Variants in IGF2BP1 observed in about 807,000 individuals in gnomAD.
The protein encoded by IGF2BP1 is insulin-like growth factor 2 mRNA-binding protein 1.
Under a neutral mutation model 74.9 loss-of-function variants are expected in IGF2BP1, and 11 were observed. The observed-to-expected ratio is 0.15, with a 90% CI of 0.09 to 0.24. IGF2BP1 has a LOEUF of 0.24. Ranked by LOEUF, IGF2BP1 falls within the 10% of genes least tolerant of loss-of-function variation. The pLI, the probability that IGF2BP1 is intolerant of heterozygous loss-of-function variation, is 1.00. For missense variants in IGF2BP1, 440 were observed against 757.4 expected (o/e 0.58, Z 4.92); for synonymous variants, 287 against 281.8 (o/e 1.02, Z -0.18).
In IGF2BP1 at chr17:48,997,878, C is replaced by T. The variant is rs758957391; in HGVS notation, c.133C>T (p.Pro45Ser). The change falls in exon 1 of 15, where the codon CCG becomes TCG. Residue 45 changes from proline to serine, a missense_variant. Physicochemically the swap from Pro to Ser is moderately conservative, Grantham distance 74. Transcript: ENST00000290341. The surrounding 1 kb of genome is among the most constrained non-coding windows in gnomAD (Gnocchi z 4.8). ...VKSGYAFVDC[P>S]DEHWAMKAIE... is the part of the protein sequence containing the mutation. ...ATCCGGCTACGCCTTCGTGGACTGCCCGGACGAGCACTGGGCGATGAAGGC... is the reference window on the plus strand; with the variant it reads ...ATCCGGCTACGCCTTCGTGGACTGCTCGGACGAGCACTGGGCGATGAAGGC... 1.9e-6 allele frequency: 3 copies of T among 1,614,040 alleles called. No individual in the cohort carries two copies. The highest frequency in any genetic ancestry group is 1.3e-5 in the African/African-American group (1 of 74,948).
Position 49,041,393 on chromosome 17 carries a change from C to G in IGF2BP1, c.834C>G (p.Pro278=). 3 of 1,613,962 alleles carry G rather than the reference C, an allele frequency of 1.9e-6. No individual in the cohort carries two copies. Among genetic ancestry groups the G allele is most frequent in the African/African-American group, 1.3e-5 (1 of 74,986 alleles). ...TCTTCCCAAGGGCTGACGAGGTTCCCCTGAAGATCCTGGCCCATAATAACT... is the reference window on the plus strand; with the variant it reads ...TCTTCCCAAGGGCTGACGAGGTTCCGCTGAAGATCCTGGCCCATAATAACT... ...AKDTKTADEV[P]LKILAHNNFV... is the part of the protein sequence containing the mutation. The change falls in exon 8 of 15, where the codon CCC becomes CCG. Residue 278 remains proline, a synonymous_variant. Transcript: ENST00000290341.
At chr17:49,014,905 C>A in intron 2 of IGF2BP1, 1 of 985,328 alleles carries the variant, frequency 1.0e-6, no homozygotes, top group Non-Finnish European at 1.2e-6. Context: ...CTGAGAGGGC[C>A]ACCTCGGCTG....
chr17:49,030,734 C>A (rs983883883), intron 4 of IGF2BP1, among the ~76,000 whole-genome samples: 2 of 151,914 alleles, frequency 1.3e-5, no homozygotes, highest in Non-Finnish European at 2.9e-5. Flanking sequence ...TCAAGCGATT[C>A]TCCTGCCTCA....
intron 2 of IGF2BP1, among the ~76,000 whole-genome samples, chr17:49,005,217 A>C (rs756641545): frequency 1.3e-5 from 2 of 152,234 alleles, no homozygotes; most frequent in South Asian, 2.1e-4. Context: ...ATTACAGGTA[A>C]GTCACAGAAA....
chr17:49,032,471 G>A (rs1016390294), intron 5 of IGF2BP1, among the ~76,000 whole-genome samples: 1 of 152,214 alleles, frequency 6.6e-6, no homozygotes, highest in African/African-American at 2.4e-5. Context: ...TAGTCCCATC[G>A]CACCCACAAT....
chr17:49,039,658 C>T (rs1303010748), intron 6 of IGF2BP1, among the ~76,000 whole-genome samples: 1 of 151,976 alleles, frequency 6.6e-6, no homozygotes, highest in Non-Finnish European at 1.5e-5. Context: ...AACTCCTGGC[C>T]TCAAGTAACC....
In IGF2BP1 at chr17:49,049,390, T is replaced by C; in HGVS notation, c.1680T>C (p.Val560=). 6.2e-7 allele frequency: 1 copy of C among 1,614,184 alleles called. No homozygotes were observed. The highest frequency in any genetic ancestry group is 1.1e-5 in the South Asian group (1 of 91,074). Reference sequence around the variant, plus strand: ...AGATCCGAGACATCCTGGCCCAGGTTAAGCAGCAGCATCAGAAGGGACAGA... The same window carrying C: ...AGATCCGAGACATCCTGGCCCAGGTCAAGCAGCAGCATCAGAAGGGACAGA... ...QRKIRDILAQ[V]KQQHQKGQSN... is the part of the protein sequence containing the mutation. Residue 560 remains valine, a synonymous_variant, in exon 15 of 15, where the codon GTT becomes GTC. Coordinates refer to ENST00000290341, the MANE Select transcript of IGF2BP1 (RefSeq NM_006546.4).
intron 2 of IGF2BP1, among the ~76,000 whole-genome samples, chr17:49,000,448 T>G (rs970259851): frequency 3.3e-5 from 5 of 152,230 alleles, no homozygotes; most frequent in Non-Finnish European, 7.3e-5. Flanking sequence ...GCGATTTAAC[T>G]TCACATGTTT....
intron 5 of IGF2BP1, 81 bp from the exon 6 acceptor site, chr17:49,038,087 A>T (rs895960216): frequency 1.6e-6 from 2 of 1,271,276 alleles, no homozygotes; most frequent in Non-Finnish European, 2.1e-6. Context: ...GCTGTAACTT[A>T]CTAGAGTGCT....
rs1165071891 is a variant in IGF2BP1 at position 49,045,077 on chromosome 17, T to A, written c.1395+12T>A. ...AGGCCCAATTCAAGGTTTTGGTCTT[T>A]ATTGTTTTCCAAGCTGAACATGGAG... On this transcript the variant is annotated intron_variant, in intron 12 of 14. Coordinates refer to ENST00000290341, the MANE Select transcript of IGF2BP1 (RefSeq NM_006546.4). 1 of 1,611,556 alleles carries A rather than the reference T, an allele frequency of 6.2e-7. No homozygotes were observed. The highest frequency in any genetic ancestry group is 8.5e-7 in the Non-Finnish European group (1 of 1,177,742).
chr17:49,015,501 G>T (rs1447683550), intron 2 of IGF2BP1, among the ~76,000 whole-genome samples: 1 of 152,186 alleles, frequency 6.6e-6, no homozygotes, highest in Non-Finnish European at 1.5e-5. Flanking sequence ...CCCTGAGGGG[G>T]ACCTCCCCAT....
At position 49,043,951 on chromosome 17, in the gene IGF2BP1, C is replaced by G; in HGVS notation, c.1201-16C>G. ...CTACTTGGGCCCCCTGGTAACAACG[C>G]CTCCTATCCTGGCAGCAGGCTCCCG... On this transcript the variant is annotated splice_polypyrimidine_tract_variant and intron_variant, in intron 10 of 14. Transcript: ENST00000290341. The G allele has an allele frequency of 6.2e-7, 1 of 1,612,576 alleles. No homozygotes were observed. Among genetic ancestry groups the G allele is most frequent in the Non-Finnish European group, 8.5e-7 (1 of 1,179,502 alleles).
chr17:49,036,775 C>T (rs925812969), intron 5 of IGF2BP1: 4 of 153,180 alleles, frequency 2.6e-5, no homozygotes, highest in Non-Finnish European at 4.4e-5. Context: ...CATGGAGAAA[C>T]CCCATCTCTA....
rs1016451720 is a variant in IGF2BP1 at position 49,055,484 on chromosome 17, G to C, written c.*6040G>C. On this transcript the variant is annotated 3_prime_UTR_variant, in exon 15 of 15. Coordinates refer to ENST00000290341, the MANE Select transcript of IGF2BP1 (RefSeq NM_006546.4). The stretch of plus-strand genomic sequence containing the variant: ...CCCCAGGAATAAAGGCTTTGTTTTG[G>C]GGATGCTTAAATCTTGACTGGCACT... 14 of 391,868 alleles carry C rather than the reference G, an allele frequency of 3.6e-5. No homozygotes were observed. Among genetic ancestry groups the C allele is most frequent in the Non-Finnish European group, 4.5e-6 (1 of 222,456 alleles). 24.3% of individuals were successfully genotyped at this position (391,868 alleles called of 1,614,324 possible). A position where few individuals can be genotyped will look rare whatever the true frequency, so the allele number is the denominator to read the frequency against.
intron 2 of IGF2BP1, among the ~76,000 whole-genome samples, chr17:49,025,313 AGTGTGT>A (rs369153046): frequency 0.031 from 4,192 of 133,618 alleles, 71 homozygotes; most frequent in African/African-American, 0.048. Flanking sequence ...GGACAAACAA[AGTGTGT>A]GTGTGTGTGT....
chr17:49,040,050 G>A lies in IGF2BP1; in HGVS notation c.777G>A (p.Met259Ile). ...TPEGCSSACKMILEIMHKEAK... is the reference protein window; with the variant it reads ...TPEGCSSACKIILEIMHKEAK... ...AGGGCTGCTCCTCCGCTTGTAAGAT[G>A]ATCTTGGAGATTATGCATAAAGAGG... The change falls in exon 7 of 15, where the codon ATG becomes ATA. Residue 259 changes from methionine (M) to isoleucine (I), a missense_variant. Physicochemically the swap from Met to Ile is conservative, Grantham distance 10. Coordinates refer to ENST00000290341, the MANE Select transcript of IGF2BP1 (RefSeq NM_006546.4). 3.1e-6 allele frequency: 5 copies of A among 1,614,112 alleles called. No homozygotes were observed. The highest frequency in any genetic ancestry group is 1.3e-5 in the African/African-American group (1 of 75,032).
At chr17:49,034,356 C>T (rs12452384) in intron 5 of IGF2BP1, among the ~76,000 whole-genome samples, 151,849 of 151,856 alleles carry the variant, frequency 1, 75,921 homozygotes, top group Middle Eastern at 1. Flanking sequence ...TGACGTCAGG[C>T]GATCCGCCCA....
intron 5 of IGF2BP1, among the ~76,000 whole-genome samples, chr17:49,034,001 A>G (rs1443259244): frequency 6.6e-6 from 1 of 151,178 alleles, no homozygotes; most frequent in Non-Finnish European, 1.5e-5. Context: ...AAAATTTTTA[A>G]TATTTAGAGA....
rs966888714 is a variant in IGF2BP1, at chr17:49,055,843, T to G, written c.*6399T>G. Among the ~76,000 whole-genome samples, 4 of 126,526 alleles carry G rather than the reference T, an allele frequency of 3.2e-5. No homozygotes were observed. The highest frequency in any genetic ancestry group is 2.2e-4 in the East Asian group (1 of 4,554). The allele number at this position is 126,526 out of a possible 152,430, so 83.0% of individuals were successfully genotyped here. The stretch of plus-strand genomic sequence containing the variant: ...GGCCTACTGCTTGGGACAGTTTTTT[T>G]TTTTTTTTTTTTTTTAAATATGAGT... On this transcript the variant is annotated 3_prime_UTR_variant, in exon 15 of 15. Transcript: ENST00000290341.
Sources: gnomAD v4.1 joint callset for allele counts (sites outside exome capture counted in the v4.1 genomes callset) on GRCh38, gnomAD v4.1.1 for gene constraint, Gnocchi (gnomAD v3.1) non-coding constraint, MANE v1.5 for transcripts, NCBI Gene and HGNC (gene_info 2026-07-23, HGNC 2026-07-21) for gene names.